ELMO1: variants seen among roughly 807,000 people sequenced by gnomAD.
The protein encoded by ELMO1 is engulfment and cell motility 1, also known as engulfment and cell motility protein 1.
ELMO1 carries 26 observed loss-of-function variants against 98.9 expected under a neutral mutation model. The observed-to-expected ratio is 0.26, with a 90% CI of 0.19 to 0.36. The LOEUF is 0.36. ELMO1 is among the 10% of genes least tolerant of loss of function. The pLI, the probability that ELMO1 is intolerant of heterozygous loss-of-function variation, is 1.00. For missense variants in ELMO1, 627 were observed against 935.2 expected, an observed-to-expected ratio of 0.67 and a Z score of 4.30; for synonymous variants, 346 against 346.0, an observed-to-expected ratio of 1.00 and a Z score of 0.00.
rs542827341 is a variant in ELMO1 at position 37,258,252 on chromosome 7, G to A, written c.413+929C>T. On this transcript the variant is annotated intron_variant, in intron 6 of 21. Transcript: ENST00000310758. ...CACTACACTCCAGCCTGGCGACAGA[G>A]TGAGACTCCATCTACCAAAAACAAA... Among the ~76,000 whole-genome samples, 7 of 151,258 alleles carry A rather than the reference G, an allele frequency of 4.6e-5. No individual in the cohort carries two copies. The South Asian group carries it at 1.3e-3, about 27-fold the overall frequency.
chr7:37,422,947 T>C (rs1804543807), intron 1 of ELMO1, among the ~76,000 whole-genome samples: 1 of 152,242 alleles, frequency 6.6e-6, no homozygotes, highest in South Asian at 2.1e-4. Context: ...CAGCAAACTC[T>C]AGAGGTCTGT....
At chr7:37,252,279 T>A (rs1023109934) in intron 6 of ELMO1, among the ~76,000 whole-genome samples, 3 of 152,148 alleles carry the variant, frequency 2.0e-5, no homozygotes, top group South Asian at 4.1e-4. Context: ...ATCTAGACAT[T>A]CCTAAGCAAA....
chr7:37,053,768 C>T (rs1415643466), intron 15 of ELMO1, among the ~76,000 whole-genome samples: 5 of 152,046 alleles, frequency 3.3e-5, no homozygotes, highest in East Asian at 3.9e-4. Context: ...CCTTTCTCCT[C>T]GGGTTATTGA....
intron 1 of ELMO1, among the ~76,000 whole-genome samples, chr7:37,385,144 T>A (rs1802744140): frequency 6.6e-6 from 1 of 152,228 alleles, no homozygotes; most frequent in African/African-American, 2.4e-5. Context: ...AGCTGATCTC[T>A]CTGACTCTAC....
intron 20 of ELMO1, among the ~76,000 whole-genome samples, chr7:36,865,536 C>CT (rs1219723439): frequency 4.0e-4 from 61 of 152,354 alleles, no homozygotes; most frequent in African/African-American, 1.4e-3. Context: ...ATCCTATACT[C>CT]TGAATTCAAC....
intron 6 of ELMO1, among the ~76,000 whole-genome samples, chr7:37,245,455 C>T (rs73690169): frequency 0.046 from 6,971 of 152,142 alleles, 519 homozygotes; most frequent in African/African-American, 0.16. Flanking sequence ...ATCCAAATCA[C>T]CAGGCAAAGA....
intron 4 of ELMO1, among the ~76,000 whole-genome samples, chr7:37,277,761 T>C (rs969892202): frequency 6.6e-6 from 1 of 152,200 alleles, no homozygotes; most frequent in African/African-American, 2.4e-5. Flanking sequence ...ACCATCTCCC[T>C]CACCCCCACA....
chr7:37,443,739 T>C (rs930562578), intron 1 of ELMO1, among the ~76,000 whole-genome samples: 1 of 152,210 alleles, frequency 6.6e-6, no homozygotes, highest in African/African-American at 2.4e-5. Context: ...GAAATAAGCA[T>C]TGCAACCAGT....
chr7:36,992,280 G>A (rs1282340785), intron 16 of ELMO1, among the ~76,000 whole-genome samples: 4 of 152,196 alleles, frequency 2.6e-5, no homozygotes, highest in African/African-American at 9.7e-5. Flanking sequence ...GGAGAGTCAA[G>A]GTCTGGAAGT....
At chr7:37,080,928 T>C (rs567235172) in intron 15 of ELMO1, among the ~76,000 whole-genome samples, 1 of 152,264 alleles carries the variant, frequency 6.6e-6, no homozygotes, top group East Asian at 1.9e-4. Flanking sequence ...CCTCACTTCA[T>C]TCATAATTGT....
intron 13 of ELMO1, among the ~76,000 whole-genome samples, chr7:37,202,337 T>A (rs909012500): frequency 3.4e-5 from 5 of 147,412 alleles, no homozygotes; most frequent in Admixed American, 1.3e-4. Flanking sequence ...CCACAAAAAT[T>A]AAGTGAATGT....
chr7:37,160,258 C>T, intron 13 of ELMO1, among the ~76,000 whole-genome samples: 1 of 152,124 alleles, frequency 6.6e-6, no homozygotes, highest in Non-Finnish European at 1.5e-5. Flanking sequence ...AAAGCTGACC[C>T]TTGGAGATCA....
At chr7:37,438,525 G>A (rs374638922) in intron 1 of ELMO1, among the ~76,000 whole-genome samples, 25 of 151,902 alleles carry the variant, frequency 1.6e-4, no homozygotes, top group East Asian at 1.9e-4. Context: ...GCGTGAACCC[G>A]GGAGGCGGAG....
At position 37,302,121 on chromosome 7, in the gene ELMO1, G is replaced by A. The variant is rs1407786111; in HGVS notation, c.192+12729C>T. On this transcript the variant is annotated intron_variant, in intron 4 of 21. Coordinates refer to ENST00000310758, the MANE Select transcript of ELMO1 (RefSeq NM_014800.11). ...AGATTCTTTGCCACTCCTTCCATGG[G>A]GAGGAGGAGTCTATGTCCCACCTCC... Among the ~76,000 whole-genome samples the A allele has an allele frequency of 2.6e-5, 4 of 152,128 alleles. No homozygotes were observed. In the East Asian group the frequency reaches 7.7e-4, roughly 29 times the overall value.
intron 20 of ELMO1, among the ~76,000 whole-genome samples, chr7:36,862,775 C>T (rs1802735631): frequency 1.3e-5 from 2 of 152,220 alleles, no homozygotes; most frequent in South Asian, 4.1e-4. Context: ...CTCTCCCCTC[C>T]TGTGATCTGT....
chr7:37,088,744 CTA>C (rs1202295626), intron 15 of ELMO1, among the ~76,000 whole-genome samples: 2 of 152,188 alleles, frequency 1.3e-5, no homozygotes, highest in Non-Finnish European at 2.9e-5. Flanking sequence ...ATAAATCCCA[CTA>C]TTAGTTTTTT....
intron 13 of ELMO1, among the ~76,000 whole-genome samples, chr7:37,158,630 C>T (rs367977227): frequency 1.3e-5 from 2 of 152,044 alleles, no homozygotes; most frequent in Non-Finnish European, 2.9e-5. Context: ...GTTAGAATGG[C>T]GATCATTAAA....
In ELMO1 at chr7:37,153,345, G is replaced by A. The variant is rs189373235; in HGVS notation, c.1087-20111C>T. On this transcript the variant is annotated intron_variant, in intron 13 of 21. Coordinates refer to ENST00000310758, the MANE Select transcript of ELMO1 (RefSeq NM_014800.11). ...AGCAGGGTGGGGCATCACCTCACCCGGGAAGCACAAGGGGTCCAGGGATTT... is the reference window on the plus strand; with the variant it reads ...AGCAGGGTGGGGCATCACCTCACCCAGGAAGCACAAGGGGTCCAGGGATTT... Among the ~76,000 whole-genome samples the A allele has an allele frequency of 9.8e-5, 15 of 152,288 alleles. 1 individual carries two copies. In the Middle Eastern group the frequency reaches 0.017, roughly 173 times the overall value.
chr7:37,394,648 G>A (rs1367655146), intron 1 of ELMO1, among the ~76,000 whole-genome samples: 2 of 152,184 alleles, frequency 1.3e-5, no homozygotes, highest in Non-Finnish European at 2.9e-5. Flanking sequence ...CAGGAACAGT[G>A]TGGAGGAAAC....
Sources: gnomAD v4.1 joint callset for allele counts (sites outside exome capture counted in the v4.1 genomes callset) on GRCh38, gnomAD v4.1.1 for gene constraint, MANE v1.5 for transcripts, NCBI Gene and HGNC (gene_info 2026-07-23, HGNC 2026-07-21) for gene names.